Variants in LMAN1 observed in about 807,000 individuals in gnomAD.
LMAN1 encodes the protein lectin, mannose binding 1, also known as protein ERGIC-53.
A neutral mutation model predicts 67.8 loss-of-function variants in LMAN1; 32 were observed. The observed-to-expected ratio is 0.47, with a 90% CI of 0.36 to 0.63. The LOEUF (loss-of-function observed/expected upper bound fraction) is 0.63. Ranked by LOEUF, LMAN1 falls within the 30% of genes least tolerant of loss-of-function variation. The pLI, the probability that LMAN1 is intolerant of heterozygous loss-of-function variation, is 0.00. For synonymous variants in LMAN1, 235 were observed against 219.3 expected (o/e 1.07, Z -0.63); for missense variants, 632 against 628.2 (o/e 1.01, Z -0.06).
intron 5 of LMAN1, chr18:59,352,659 A>C (rs1304087308): frequency 5.9e-6 from 1 of 168,542 alleles, no homozygotes; most frequent in Non-Finnish European, 1.3e-5. Flanking sequence ...CCCAACTCCC[A>C]GGAACTTCCT....
chr18:59,345,882 C>A (rs1908389492), intron 8 of LMAN1, 37 bp downstream of exon 8: 1 of 1,612,928 alleles, frequency 6.2e-7, no homozygotes, highest in African/African-American at 1.3e-5. Context: ...GCCTCAAGCC[C>A]TGCTGCGGCA....
intron 8 of LMAN1, among the ~76,000 whole-genome samples, chr18:59,340,732 G>C (rs1217142509): frequency 2.0e-5 from 3 of 151,962 alleles, no homozygotes; most frequent in Non-Finnish European, 2.9e-5. Context: ...ACAGAGGGGA[G>C]GAAGATGTAA....
At chr18:59,337,608 C>T (rs1426358241) in intron 10 of LMAN1, among the ~76,000 whole-genome samples, 2 of 152,030 alleles carry the variant, frequency 1.3e-5, no homozygotes, top group Admixed American at 6.6e-5. Context: ...AAAAAGGTTG[C>T]GTTACATGAT....
At chr18:59,340,362 T>C (rs564682721) in intron 8 of LMAN1, among the ~76,000 whole-genome samples, 8 of 152,242 alleles carry the variant, frequency 5.3e-5, no homozygotes, top group Non-Finnish European at 8.8e-5. Flanking sequence ...AAAGTCAATG[T>C]GAAATAATTT....
Position 59,359,124 on chromosome 18 carries a change from A to G in LMAN1, c.121T>C (p.Leu41=). Reference sequence around the variant, plus strand: ...TTGTACTCGAAACGGCGATGTGGCAACGCGACCGCGGGGTCTCCTCCCACG... The same window carrying G: ...TTGTACTCGAAACGGCGATGTGGCAGCGCGACCGCGGGGTCTCCTCCCACG... ...DGVGGDPAVA[L]PHRRFEYKYS... Residue 41 remains leucine (L), a synonymous_variant, in exon 1 of 13, where the codon TTG becomes CTG. Coordinates refer to ENST00000251047, the MANE Select transcript of LMAN1 (RefSeq NM_005570.4). The G allele has an allele frequency of 6.2e-7, 1 of 1,614,082 alleles. No homozygotes were observed. Among genetic ancestry groups the G allele is most frequent in the Non-Finnish European group, 8.5e-7 (1 of 1,179,960 alleles).
chr18:59,336,201 G>A (rs537148962), intron 10 of LMAN1, among the ~76,000 whole-genome samples: 57 of 152,258 alleles, frequency 3.7e-4, no homozygotes, highest in African/African-American at 1.3e-3. Context: ...TAACGGCACC[G>A]CGGTAGTAAT....
intron 8 of LMAN1, among the ~76,000 whole-genome samples, chr18:59,342,996 C>T (rs989273129): frequency 4.0e-5 from 6 of 148,468 alleles, no homozygotes; most frequent in Non-Finnish European, 5.9e-5. Flanking sequence ...GTAGCATTTT[C>T]ATATACTGAT....
intron 10 of LMAN1, among the ~76,000 whole-genome samples, chr18:59,336,238 T>C (rs184536609): frequency 1.7e-4 from 26 of 152,128 alleles, no homozygotes; most frequent in Admixed American, 1.6e-3. Context: ...CAAAGGTTGG[T>C]TTTCAAATAC....
chr18:59,347,444 G>C (rs2144224753), intron 7 of LMAN1, 69 bp downstream of exon 7: 3 of 1,052,770 alleles, frequency 2.8e-6, no homozygotes, highest in Non-Finnish European at 4.2e-6. Flanking sequence ...ACCTAAGTTA[G>C]TCTTCCAAAA....
intron 7 of LMAN1, 30 bp downstream of exon 7, chr18:59,347,483 T>C: frequency 6.4e-7 from 1 of 1,565,344 alleles, no homozygotes. Context: ...ACTAAACTGA[T>C]AAAGTTTTTG....
At chr18:59,355,701 G>GGTAAA in intron 1 of LMAN1, 43 bp from the exon 2 acceptor site, 1 of 1,594,476 alleles carries the variant, frequency 6.3e-7, no homozygotes, top group African/African-American at 1.3e-5. Flanking sequence ...GTTATAATTA[G>GGTAAA]GTAAAACTCA....
intron 11 of LMAN1, 177 bp from the exon 12 acceptor site, chr18:59,331,716 T>G (rs1196884925): frequency 3.1e-6 from 2 of 637,084 alleles, no homozygotes; most frequent in Non-Finnish European, 5.3e-6. Context: ...AAGGAGTAGT[T>G]GACACTGGAA....
intron 8 of LMAN1, among the ~76,000 whole-genome samples, chr18:59,344,214 T>G (rs1304922582): frequency 6.6e-6 from 1 of 152,120 alleles, no homozygotes; most frequent in Non-Finnish European, 1.5e-5. Flanking sequence ...AGTACAACCT[T>G]CATGGAAAAC....
chr18:59,358,986 GA>G, intron 1 of LMAN1, 44 bp downstream of exon 1: 3 of 1,581,492 alleles, frequency 1.9e-6, no homozygotes, highest in Admixed American at 3.3e-5. Flanking sequence ...AGAGGCAGCA[GA>G]AGGGGGAGAG....
At chr18:59,348,710 T>C (rs1016118935) in intron 6 of LMAN1, among the ~76,000 whole-genome samples, 1 of 152,218 alleles carries the variant, frequency 6.6e-6, no homozygotes, top group African/African-American at 2.4e-5. Flanking sequence ...GATGTGACAA[T>C]GATCAGGATC....
rs1349611744 is a variant in LMAN1 at position 59,355,621 on chromosome 18, T to C, written c.252A>G (p.Pro84=). The C allele has an allele frequency of 1.9e-6, 3 of 1,614,100 alleles. No individual in the cohort carries two copies. The highest frequency in any genetic ancestry group is 1.1e-5 in the South Asian group (1 of 91,080). ...CTGAGCCTCTTTGGCTTTTTAAAGA[T>C]GGTGCTACTCGAATTTGATCTGAAC... ...IPSSDQIRVA[P]SLKSQRGSVW... is the part of the protein sequence containing the mutation. The change falls in exon 2 of 13, where the codon CCA becomes CCG. Residue 84 remains proline, a synonymous_variant. Transcript: ENST00000251047.
Position 59,353,193 on chromosome 18 carries a change from G to A in LMAN1, c.639+9C>T, listed in dbSNP as rs371796852. Reference sequence around the variant, plus strand: ...TTTATTTGATTCTCTCTAAATAGATGTTACTTACTGTCAGTGTGTTCTGGT... The same window carrying A: ...TTTATTTGATTCTCTCTAAATAGATATTACTTACTGTCAGTGTGTTCTGGT... On this transcript the variant is annotated intron_variant, in intron 5 of 12. Coordinates refer to ENST00000251047, the MANE Select transcript of LMAN1 (RefSeq NM_005570.4). 3.1e-6 allele frequency: 5 copies of A among 1,591,758 alleles called. No individual in the cohort carries two copies. In the African/African-American group the frequency reaches 6.7e-5, roughly 21 times the overall value.
chr18:59,341,109 C>CTTT lies in LMAN1; in HGVS notation c.956-2157_956-2156insAAA, dbSNP rs1176845084. Among the ~76,000 whole-genome samples, 2 of 151,684 alleles carry CTTT rather than the reference C, an allele frequency of 1.3e-5. 1 individual carries two copies. The highest frequency in any genetic ancestry group is 3.9e-4 in the East Asian group (2 of 5,160). On this transcript the variant is annotated intron_variant, in intron 8 of 12. Transcript: ENST00000251047. ...TAAAACAGACTTAAAAAAGAAAAGA[C>CTTT]AAAGAAGGTTATTATATAATGATAA...
At position 59,328,807 on chromosome 18, in the gene LMAN1, A is replaced by C. The variant is rs1178919941; in HGVS notation, c.*2286T>G. 6.6e-6 allele frequency: 1 copy of C among 152,258 alleles called. No individual in the cohort carries two copies. Among genetic ancestry groups the C allele is most frequent in the Admixed American group, 6.5e-5 (1 of 15,280 alleles). The allele number at this position is 152,258 out of a possible 1,614,324, so 9.4% of individuals were successfully genotyped here. The stretch of plus-strand genomic sequence containing the variant: ...TTTATGACTTCATGGTAAAGTTTTA[A>C]GCTGAATAAAACATTCAAACAATTA... On this transcript the variant is annotated 3_prime_UTR_variant, in exon 13 of 13. Transcript: ENST00000251047.
Sources: gnomAD v4.1 joint callset for allele counts (sites outside exome capture counted in the v4.1 genomes callset) on GRCh38, gnomAD v4.1.1 for gene constraint, MANE v1.5 for transcripts, NCBI Gene and HGNC (gene_info 2026-07-23, HGNC 2026-07-21) for gene names.